SBNO1: variants seen among roughly 807,000 people sequenced by gnomAD.
SBNO1 encodes protein strawberry notch homolog 1.
Under a neutral mutation model 173.6 loss-of-function variants are expected in SBNO1, and 23 were observed. The ratio of observed to expected loss-of-function variants is 0.13; its 90% CI spans 0.10 to 0.19. The LOEUF (loss-of-function observed/expected upper bound fraction) is 0.19. SBNO1 is among the 10% of genes least tolerant of loss of function. The pLI, the probability that SBNO1 is intolerant of heterozygous loss-of-function variation, is 1.00. For missense variants in SBNO1, 1,238 were observed against 1,671.2 expected, an observed-to-expected ratio of 0.74 and a Z score of 4.52; for synonymous variants, 632 against 571.5, an observed-to-expected ratio of 1.11 and a Z score of -1.51.
At chr12:123,363,677 CTCAT>C (rs939446153) in intron 1 of SBNO1, among the ~76,000 whole-genome samples, 6 of 152,252 alleles carry the variant, frequency 3.9e-5, no homozygotes, top group African/African-American at 1.4e-4. Flanking sequence ...TTATTTGTCT[CTCAT>C]TTTCTGGCCC....
At chr12:123,364,543 CGCGGCCGCGAGGA>C (rs1437544718) in intron 1 of SBNO1, 145 bp downstream of exon 1, 1 of 983,534 alleles carries the variant, frequency 1.0e-6, no homozygotes, top group Admixed American at 6.1e-5. Flanking sequence ...CCCCGGAGCG[CGCGGCCGCGAGGA>C]GCGGCAAGCG....
chr12:123,313,526 GA>G, intron 24 of SBNO1, 93 bp downstream of exon 24: 1 of 660,650 alleles, frequency 1.5e-6, no homozygotes, highest in Non-Finnish European at 2.5e-6. Context: ...TATGTCCAAA[GA>G]AAAAAACTAA....
At chr12:123,297,882 A>T in intron 31 of SBNO1, 96 bp downstream of exon 31, 2 of 1,068,892 alleles carry the variant, frequency 1.9e-6, no homozygotes, top group South Asian at 1.4e-5. Context: ...AAGAGATGTT[A>T]GATGCATGTG....
intron 4 of SBNO1, among the ~76,000 whole-genome samples, chr12:123,343,537 CTT>C (rs58841947): frequency 2.4e-4 from 32 of 135,466 alleles, no homozygotes; most frequent in African/African-American, 4.6e-4. Flanking sequence ...CACTTACCAT[CTT>C]TTTTTTTTTT....
chr12:123,356,125 A>G (rs184548124), intron 1 of SBNO1, among the ~76,000 whole-genome samples: 2 of 152,150 alleles, frequency 1.3e-5, no homozygotes, highest in Non-Finnish European at 2.9e-5. Context: ...GTCGGACAAA[A>G]TACCTAGGTT....
chr12:123,354,428 T>C (rs957182109), intron 1 of SBNO1, among the ~76,000 whole-genome samples: 3 of 152,198 alleles, frequency 2.0e-5, no homozygotes, highest in African/African-American at 4.8e-5. Flanking sequence ...AATGGAATAC[T>C]AGGGATCATT....
rs1555253777 is a variant in SBNO1, at chr12:123,364,800, A to AGCGGCAGCAGCG, written c.-101_-100insCGCTGCTGCCGC. On this transcript the variant is annotated 5_prime_UTR_variant, in exon 1 of 32. Transcript: ENST00000602398. The stretch of plus-strand genomic sequence containing the variant: ...CGGAGGCGGCGGTGGCGGCGGCAGC[A>AGCGGCAGCAGCG]GCGGCGTCCTGCTCTGCCTACCTCC... 1.1e-4 allele frequency: 108 copies of AGCGGCAGCAGCG among 987,444 alleles called. No individual in the cohort carries two copies. Among genetic ancestry groups the AGCGGCAGCAGCG allele is most frequent in the South Asian group, 8.6e-4 (19 of 21,998 alleles). 61.2% of individuals were successfully genotyped at this position (987,444 alleles called of 1,614,324 possible).
At chr12:123,297,864 A>G (rs941834141) in intron 31 of SBNO1, 114 bp downstream of exon 31, 11 of 899,412 alleles carry the variant, frequency 1.2e-5, no homozygotes, top group African/African-American at 3.3e-5. Flanking sequence ...TCCCATACCC[A>G]CTACTGGAAG....
intron 3 of SBNO1, among the ~76,000 whole-genome samples, chr12:123,347,680 C>T (rs528901063): frequency 2.0e-5 from 3 of 152,206 alleles, no homozygotes; most frequent in Admixed American, 6.5e-5. Flanking sequence ...AGGCGTGCAC[C>T]ACCACACCAA....
intron 7 of SBNO1, among the ~76,000 whole-genome samples, chr12:123,333,656 T>C (rs776744753): frequency 2.0e-5 from 3 of 151,542 alleles, no homozygotes; most frequent in Non-Finnish European, 4.4e-5. Context: ...GCCACTACAC[T>C]CAGCTAATTT....
At chr12:123,355,158 C>T (rs1874302931) in intron 1 of SBNO1, among the ~76,000 whole-genome samples, 1 of 152,014 alleles carries the variant, frequency 6.6e-6, no homozygotes, top group Non-Finnish European at 1.5e-5. Flanking sequence ...GTGGCTGAAA[C>T]TACAGGCCCG....
At chr12:123,301,448 A>G in intron 30 of SBNO1, among the ~76,000 whole-genome samples, 1 of 152,242 alleles carries the variant, frequency 6.6e-6, no homozygotes, top group South Asian at 2.1e-4. Context: ...CAAAACAAAC[A>G]AAAAGCCCCT....
rs754737011 is a variant in SBNO1, at chr12:123,315,588, T to C, written c.3008A>G (p.Gln1003Arg). 1 of 1,613,920 alleles carries C rather than the reference T, an allele frequency of 6.2e-7. No individual in the cohort carries two copies. Among genetic ancestry groups the C allele is most frequent in the Non-Finnish European group, 8.5e-7 (1 of 1,179,906 alleles). The change falls in exon 22 of 32, where the codon CAA (glutamine) becomes CGA (arginine). Residue 1003 changes from glutamine to arginine, a missense_variant. Physicochemically the swap from Gln to Arg is conservative, Grantham distance 43. Coordinates refer to ENST00000602398, the MANE Select transcript of SBNO1 (RefSeq NM_001167856.3). The stretch of plus-strand genomic sequence containing the variant: ...TTTAGCAACAATAGATGCAAATCTT[T>C]GTTCTCCTGCCAGTTCAGATATCAG... ...VFLISELAGE[Q>R]RFASIVAKRL... is the part of the protein sequence containing the mutation.
intron 4 of SBNO1, among the ~76,000 whole-genome samples, chr12:123,344,525 T>A (rs1314912875): frequency 6.6e-6 from 1 of 152,188 alleles, no homozygotes; most frequent in Non-Finnish European, 1.5e-5. Flanking sequence ...CCCATTCTTT[T>A]AGAATGCTCT....
chr12:123,302,703 C>A, intron 30 of SBNO1, 121 bp downstream of exon 30: 1 of 729,620 alleles, frequency 1.4e-6, no homozygotes, highest in South Asian at 1.5e-5. Context: ...ATGGAACACA[C>A]CACGCCTGAC....
intron 1 of SBNO1, 96 bp from the exon 2 acceptor site, chr12:123,350,537 C>T (rs1016336815): frequency 4.3e-5 from 42 of 973,660 alleles, no homozygotes; most frequent in Non-Finnish European, 2.7e-5. Flanking sequence ...CTCTATTAGA[C>T]CCATTCATTC....
chr12:123,341,615 G>A (rs763478669), intron 4 of SBNO1, among the ~76,000 whole-genome samples: 19 of 151,920 alleles, frequency 1.3e-4, no homozygotes, highest in African/African-American at 4.1e-4. Context: ...TCCTCCTCCC[G>A]AGTTCAAGCG....
chr12:123,313,517 ATGTCC>A (rs1566028940), intron 24 of SBNO1, 98 bp downstream of exon 24: 8 of 622,540 alleles, frequency 1.3e-5, no homozygotes, highest in Admixed American at 2.9e-5. Flanking sequence ...TATACAATTT[ATGTCC>A]AAAGAAAAAA....
chr12:123,327,070 A>T (rs535516660), intron 13 of SBNO1, among the ~76,000 whole-genome samples: 1 of 152,222 alleles, frequency 6.6e-6, no homozygotes, highest in African/African-American at 2.4e-5. Context: ...CACTGGCACC[A>T]TCTTGGCTCA....
Sources: allele counts gnomAD v4.1 joint callset (sites outside exome capture counted in the v4.1 genomes callset), GRCh38; gene constraint gnomAD v4.1.1; transcripts MANE v1.5; gene names NCBI Gene and HGNC (gene_info 2026-07-23, HGNC 2026-07-21).